DIPK1A: variants seen among roughly 807,000 people sequenced by gnomAD.
The protein encoded by DIPK1A is family with sequence similarity 69 member A.
In DIPK1A, 27 loss-of-function variants were observed where a neutral mutation model predicts 40.8. The observed-to-expected ratio is 0.66, with a 90% CI of 0.49 to 0.91. The LOEUF is 0.91. Ranked by LOEUF, DIPK1A falls within the 40% of genes least tolerant of loss-of-function variation. DIPK1A has a pLI of 0.00. For missense variants in DIPK1A, 412 were observed against 505.7 expected, an observed-to-expected ratio of 0.81 and a Z score of 1.78; for synonymous variants, 166 against 171.3, an observed-to-expected ratio of 0.97 and a Z score of 0.24.
At chr1:92,955,870 T>C (rs1380846965) in intron 1 of DIPK1A, among the ~76,000 whole-genome samples, 1 of 151,912 alleles carries the variant, frequency 6.6e-6, no homozygotes, top group Non-Finnish European at 1.5e-5. Context: ...GTGGGACCAC[T>C]GTCTCTTAAA....
At chr1:92,855,010 A>G (rs1687936275) in intron 2 of DIPK1A, among the ~76,000 whole-genome samples, 1 of 152,196 alleles carries the variant, frequency 6.6e-6, no homozygotes, top group African/African-American at 2.4e-5. Context: ...AATAAGTGGA[A>G]GAAAAAAAGT....
intron 2 of DIPK1A, among the ~76,000 whole-genome samples, chr1:92,857,655 T>C (rs1688031075): frequency 6.6e-6 from 1 of 152,158 alleles, no homozygotes; most frequent in Admixed American, 6.6e-5. Context: ...AATACTGTTC[T>C]ATGAGATTTG....
At chr1:92,943,215 G>A (rs970577649) in intron 1 of DIPK1A, among the ~76,000 whole-genome samples, 4 of 152,278 alleles carry the variant, frequency 2.6e-5, no homozygotes, top group African/African-American at 4.8e-5. Context: ...ATTCACCAGC[G>A]GATAAAAGAT....
chr1:92,874,741 G>T (rs1339216080), intron 2 of DIPK1A, among the ~76,000 whole-genome samples: 3 of 152,152 alleles, frequency 2.0e-5, no homozygotes, highest in Non-Finnish European at 2.9e-5. Context: ...TCTTCTGTCA[G>T]TCTTTTCTGA....
chr1:92,940,936 C>T (rs1031290176), intron 1 of DIPK1A, among the ~76,000 whole-genome samples: 5 of 152,140 alleles, frequency 3.3e-5, no homozygotes, highest in African/African-American at 4.8e-5. Flanking sequence ...AATGTCTATG[C>T]GTGTCTTTTT....
At chr1:92,859,701 G>C (rs886656951) in intron 2 of DIPK1A, among the ~76,000 whole-genome samples, 1 of 152,076 alleles carries the variant, frequency 6.6e-6, no homozygotes, top group Admixed American at 6.6e-5. Flanking sequence ...GCTTTTATTG[G>C]TGAAATTTGT....
chr1:92,944,636 T>C (rs1327039302), intron 1 of DIPK1A, among the ~76,000 whole-genome samples: 1 of 152,188 alleles, frequency 6.6e-6, no homozygotes, highest in Non-Finnish European at 1.5e-5. Context: ...AGTTTTTGTT[T>C]TGTTTTGTTT....
intron 2 of DIPK1A, among the ~76,000 whole-genome samples, chr1:92,855,421 C>T (rs535831745): frequency 3.3e-5 from 5 of 152,106 alleles, no homozygotes; most frequent in Admixed American, 6.5e-5. Context: ...CCCAACAGAC[C>T]GGCTCAGTGG....
chr1:92,896,742 TG>T (rs1557474958), intron 1 of DIPK1A, among the ~76,000 whole-genome samples: 1 of 152,092 alleles, frequency 6.6e-6, no homozygotes, highest in African/African-American at 2.4e-5. Context: ...AGAAAATTTT[TG>T]CAATCTACTC....
intron 2 of DIPK1A, among the ~76,000 whole-genome samples, chr1:92,857,668 T>C (rs769367800): frequency 6.6e-6 from 1 of 152,214 alleles, no homozygotes; most frequent in South Asian, 2.1e-4. Context: ...GAGATTTGCA[T>C]GTATATATCT....
intron 1 of DIPK1A, among the ~76,000 whole-genome samples, chr1:92,901,897 T>C (rs1453711352): frequency 6.6e-6 from 1 of 152,112 alleles, no homozygotes; most frequent in Non-Finnish European, 1.5e-5. Context: ...TAAGGTGGGA[T>C]GTCTCAGCTC....
chr1:92,840,020 T>G (rs990413924), downstream of DIPK1A, among the ~76,000 whole-genome samples: 1 of 151,566 alleles, frequency 6.6e-6, no homozygotes, highest in Non-Finnish European at 1.5e-5. Context: ...TTTTTTTTTT[T>G]TTTTTTAATT....
At chr1:92,910,273 T>C (rs888555086) in intron 1 of DIPK1A, among the ~76,000 whole-genome samples, 2 of 152,196 alleles carry the variant, frequency 1.3e-5, no homozygotes, top group Non-Finnish European at 2.9e-5. Context: ...TGTTGATCTC[T>C]TGAGTCAGAA....
intron 4 of DIPK1A, chr1:92,833,406 T>C: frequency 6.2e-7 from 1 of 1,613,502 alleles, no homozygotes; most frequent in Non-Finnish European, 8.5e-7. Flanking sequence ...TTAAAGTTGT[T>C]AAGAATAAGG....
At chr1:92,940,592 G>A (rs577923309) in intron 1 of DIPK1A, among the ~76,000 whole-genome samples, 7 of 152,242 alleles carry the variant, frequency 4.6e-5, no homozygotes, top group Admixed American at 1.3e-4. Context: ...CAGCAATGGA[G>A]GTATTATGGT....
Position 92,843,406 on chromosome 1 carries a change from T to C in DIPK1A, c.1264A>G (p.Ile422Val). The C allele has an allele frequency of 6.5e-7, 1 of 1,544,036 alleles. No individual in the cohort carries two copies. Among genetic ancestry groups the C allele is most frequent in the Non-Finnish European group, 8.7e-7 (1 of 1,143,362 alleles). ...NNLKTLLWKK[I>V]SYTNDS ...AACTAAGAGTCATTAGTGTAGGAAA[T>C]TTTCTTCCACAATAATGTTTTTAGG... The change falls in exon 5 of 5, where the codon ATT becomes GTT. Residue 422 changes from isoleucine to valine, a missense_variant. Physicochemically the swap from Ile to Val is conservative, Grantham distance 29. Transcript: ENST00000370310.
intron 1 of DIPK1A, among the ~76,000 whole-genome samples, chr1:92,934,341 A>G (rs1476505631): frequency 2.0e-5 from 3 of 152,218 alleles, no homozygotes; most frequent in Admixed American, 2.0e-4. Context: ...AATTTATTCA[A>G]ATTCAAATAC....
chr1:92,843,407 T>C lies in DIPK1A; in HGVS notation c.1263A>G (p.Lys421=), dbSNP rs150751646. ...LNNLKTLLWK[K]ISYTNDS ...ACTAAGAGTCATTAGTGTAGGAAAT[T>C]TTCTTCCACAATAATGTTTTTAGGT... The change falls in exon 5 of 5, where the codon AAA becomes AAG. Residue 421 remains lysine, a synonymous_variant. Coordinates refer to ENST00000370310, the MANE Select transcript of DIPK1A (RefSeq NM_001006605.5). 1.3e-4 allele frequency: 197 copies of C among 1,544,134 alleles called. 1 individual carries two copies. In the Admixed American group the frequency reaches 3.8e-3, roughly 30 times the overall value.
At chr1:92,950,946 T>G (rs569648396) in intron 1 of DIPK1A, among the ~76,000 whole-genome samples, 1 of 152,332 alleles carries the variant, frequency 6.6e-6, no homozygotes, top group East Asian at 1.9e-4. Flanking sequence ...ATAATTACTT[T>G]TTTTTACTAT....
Sources: allele counts gnomAD v4.1 joint callset (sites outside exome capture counted in the v4.1 genomes callset), GRCh38; gene constraint gnomAD v4.1.1; transcripts MANE v1.5; gene names NCBI Gene and HGNC (gene_info 2026-07-23, HGNC 2026-07-21).